The following MSH4 variants were observed in gnomAD, a reference collection of about 807,000 sequenced individuals.
MSH4 encodes the protein mutS protein homolog 4.
In MSH4, 106 loss-of-function variants were observed where a neutral mutation model predicts 113.7. The ratio of observed to expected loss-of-function variants is 0.93; its 90% CI spans 0.80 to 1.10. The LOEUF is 1.10. Ranked by LOEUF, MSH4 falls within the 50% of genes least tolerant of loss-of-function variation. The probability of loss-of-function intolerance (pLI) is 0.00; values close to 1 mark genes in which losing one functional copy is unlikely to be tolerated. For synonymous variants in MSH4, 368 were observed against 380.2 expected (o/e 0.97, Z 0.37); for missense variants, 1,061 against 1,093.7 (o/e 0.97, Z 0.42).
At chr1:75,889,441 T>C (rs895673083) in intron 16 of MSH4, 72 bp downstream of exon 16, 1 of 675,536 alleles carries the variant, frequency 1.5e-6, no homozygotes, top group African/African-American at 1.9e-5. Context: ...TCACATAAAA[T>C]ATTTTTATAC....
intron 19 of MSH4, among the ~76,000 whole-genome samples, chr1:75,904,406 G>T (rs1275251787): frequency 6.6e-6 from 1 of 152,022 alleles, no homozygotes; most frequent in Non-Finnish European, 1.5e-5. Context: ...TCCCTCCTCT[G>T]TAATTAATTG....
At chr1:75,892,494 A>G (rs1652277997) in intron 17 of MSH4, among the ~76,000 whole-genome samples, 2 of 152,052 alleles carry the variant, frequency 1.3e-5, no homozygotes, top group Non-Finnish European at 2.9e-5. Flanking sequence ...TGATCTGACA[A>G]TAGTGGTAAG....
intron 7 of MSH4, among the ~76,000 whole-genome samples, chr1:75,831,189 A>C (rs1011819926): frequency 6.6e-6 from 1 of 152,206 alleles, no homozygotes; most frequent in Non-Finnish European, 1.5e-5. Context: ...AAAGAGACAA[A>C]GAAGGCCATT....
chr1:75,840,892 G>A (rs561247077), intron 7 of MSH4, among the ~76,000 whole-genome samples: 81 of 152,218 alleles, frequency 5.3e-4, no homozygotes, highest in South Asian at 1.5e-3. Flanking sequence ...CAATTGAGTA[G>A]TTCATGGGAA....
At chr1:75,814,005 C>T (rs192642167) in intron 4 of MSH4, among the ~76,000 whole-genome samples, 328 of 151,994 alleles carry the variant, frequency 2.2e-3, no homozygotes, top group African/African-American at 7.5e-3. Context: ...ATATGAAAAC[C>T]GGAGTTAATA....
intron 1 of MSH4, among the ~76,000 whole-genome samples, chr1:75,803,434 T>A (rs1380169965): frequency 6.6e-6 from 1 of 152,038 alleles, no homozygotes; most frequent in Non-Finnish European, 1.5e-5. Context: ...CCAGCCAACA[T>A]GGTGAAACCC....
intron 7 of MSH4, among the ~76,000 whole-genome samples, chr1:75,836,035 A>G (rs1045551631): frequency 2.0e-5 from 3 of 152,164 alleles, no homozygotes; most frequent in Admixed American, 6.6e-5. Flanking sequence ...TTGTTCTTAA[A>G]CACAGAGTAC....
chr1:75,897,708 A>G (rs1652414744), intron 17 of MSH4, among the ~76,000 whole-genome samples, 199 bp from the exon 18 acceptor site: 2 of 152,144 alleles, frequency 1.3e-5, no homozygotes, highest in East Asian at 1.9e-4. Flanking sequence ...TAATAAACAT[A>G]TCTTCTTCAT....
At position 75,883,647 on chromosome 1, in the gene MSH4, G is replaced by C. The variant is rs1651983268; in HGVS notation, c.1933G>C (p.Ala645Pro). ...TCGACCAGAATTTACTGATACTTTA[G>C]CAATCAAACAGGGATGGCATCCTAT... ...YVRPEFTDTL[A>P]IKQGWHPILE... Residue 645 changes from alanine to proline, a missense_variant, in exon 15 of 20, where the codon GCA becomes CCA. Physicochemically the swap from Ala to Pro is conservative, Grantham distance 27 (BLOSUM62 -1). Transcript: ENST00000263187. 1 of 1,611,952 alleles carries C rather than the reference G, an allele frequency of 6.2e-7. No homozygotes were observed.
chr1:75,874,387 C>A (rs1297683697), intron 9 of MSH4, among the ~76,000 whole-genome samples: 1 of 152,058 alleles, frequency 6.6e-6, no homozygotes, highest in African/African-American at 2.4e-5. Context: ...AGTACAGTGG[C>A]ACGATCATTG....
chr1:75,867,302 C>T (rs1651606865), intron 8 of MSH4, among the ~76,000 whole-genome samples: 1 of 152,134 alleles, frequency 6.6e-6, no homozygotes, highest in Non-Finnish European at 1.5e-5. Context: ...AAGAGATGAA[C>T]TCTTCTCATT....
At chr1:75,816,216 G>A (rs1357985651) in intron 5 of MSH4, among the ~76,000 whole-genome samples, 157 bp from the exon 6 acceptor site, 1 of 151,910 alleles carries the variant, frequency 6.6e-6, no homozygotes, top group Non-Finnish European at 1.5e-5. Flanking sequence ...TGATTTAGAG[G>A]TTATTTACCT....
chr1:75,862,997 T>C (rs1345265504), intron 8 of MSH4, among the ~76,000 whole-genome samples: 1 of 152,164 alleles, frequency 6.6e-6, no homozygotes, highest in Admixed American at 6.5e-5. Flanking sequence ...CTAAGAATAT[T>C]TGTGTTTTCC....
Position 75,860,431 on chromosome 1 carries a change from T to G in MSH4, c.1231-7083T>G, listed in dbSNP as rs1355584499. On this transcript the variant is annotated intron_variant, in intron 8 of 19. Coordinates refer to ENST00000263187, the MANE Select transcript of MSH4 (RefSeq NM_002440.4). The stretch of plus-strand genomic sequence containing the variant: ...ATTCCTATCCATGTTTAGTGCTTCC[T>G]GCAGGAGCTCTTGTAAGGCAGGCCT... Among the ~76,000 whole-genome samples the G allele has an allele frequency of 3.3e-5, 5 of 152,210 alleles. No individual in the cohort carries two copies. In the East Asian group the frequency reaches 9.6e-4, roughly 29 times the overall value.
chr1:75,900,873 T>A (rs1036203606), intron 19 of MSH4, among the ~76,000 whole-genome samples: 2 of 152,196 alleles, frequency 1.3e-5, no homozygotes, highest in Admixed American at 1.3e-4. Flanking sequence ...CTTACCACAT[T>A]TCAATTATGG....
At chr1:75,811,666 C>G (rs1473852235) in intron 4 of MSH4, among the ~76,000 whole-genome samples, 1 of 152,182 alleles carries the variant, frequency 6.6e-6, no homozygotes, top group East Asian at 1.9e-4. Context: ...GAACCTTATC[C>G]AACAAGAATG....
intron 6 of MSH4, 147 bp downstream of exon 6, chr1:75,816,693 C>A (rs1252881860): frequency 2.6e-6 from 1 of 379,798 alleles, no homozygotes; most frequent in Non-Finnish European, 4.6e-6. Flanking sequence ...GTGGTGCGAT[C>A]TCAGCTCACT....
chr1:75,860,196 T>C lies in MSH4; in HGVS notation c.1231-7318T>C, dbSNP rs145626921. Among the ~76,000 whole-genome samples the C allele has an allele frequency of 2.0e-3, 307 of 152,316 alleles. 1 individual carries two copies. Among genetic ancestry groups the C allele is most frequent in the African/African-American group, 6.6e-3 (275 of 41,564 alleles). ...GGGTCTCCTGAATACAGCATGCTGA[T>C]GGGTCTTCACTGTTTATCCAACTTG... On this transcript the variant is annotated intron_variant, in intron 8 of 19. Coordinates refer to ENST00000263187, the MANE Select transcript of MSH4 (RefSeq NM_002440.4).
At chr1:75,857,687 G>C (rs557004751) in intron 8 of MSH4, among the ~76,000 whole-genome samples, 21 of 152,238 alleles carry the variant, frequency 1.4e-4, no homozygotes, top group African/African-American at 4.8e-4. Flanking sequence ...TTTGGTTACT[G>C]TAGCCTTGTA....
Sources: gnomAD v4.1 joint callset for allele counts (sites outside exome capture counted in the v4.1 genomes callset) on GRCh38, gnomAD v4.1.1 for gene constraint, MANE v1.5 for transcripts, NCBI Gene and HGNC (gene_info 2026-07-23, HGNC 2026-07-21) for gene names.